ALG13: variants seen among roughly 807,000 people sequenced by gnomAD.
ALG13 encodes UDP-N-acetylglucosamine transferase subunit ALG13.
In ALG13, 11 loss-of-function variants were observed where a neutral mutation model predicts 87.8. The observed-to-expected ratio is 0.13, with a 90% CI of 0.08 to 0.21. ALG13 has a LOEUF of 0.21. Among genes scored for constraint, ALG13 ranks in the 10% least tolerant of loss-of-function variants. ALG13 has a pLI of 1.00. For missense variants in ALG13, 756 were observed against 866.1 expected (o/e 0.87, Z 1.60); for synonymous variants, 320 against 306.3 (o/e 1.04, Z -0.47).
intron 23 of ALG13, among the ~76,000 whole-genome samples, chrX:111,739,539 G>A (rs1943568822): frequency 8.9e-6 from 1 of 112,590 alleles, no homozygotes; most frequent in Non-Finnish European, 1.9e-5. Context: ...AAGAGTCTAT[G>A]GCATATAAGA....
chrX:111,739,579 C>T (rs1020373361), intron 23 of ALG13, among the ~76,000 whole-genome samples: 2 of 112,450 alleles, frequency 1.8e-5, no homozygotes, highest in Non-Finnish European at 3.8e-5. Context: ...CAAACTTTGA[C>T]AGCATTGCTT....
chrX:111,687,760 A>T (rs1935328024), intron 3 of ALG13: 1 of 512,363 alleles, frequency 2.0e-6, no homozygotes, highest in Non-Finnish European at 3.1e-6. Flanking sequence ...AATATATAAA[A>T]ATTCACATGT....
At chrX:111,756,319 A>G (rs1945250941) in intron 25 of ALG13, among the ~76,000 whole-genome samples, 1 of 111,780 alleles carries the variant, frequency 8.9e-6, no homozygotes, top group African/African-American at 3.3e-5. Flanking sequence ...TAGGTGACAG[A>G]TTGATGGGTG....
At chrX:111,732,670 T>C (rs1459021741) in intron 21 of ALG13, among the ~76,000 whole-genome samples, 3 of 112,472 alleles carry the variant, frequency 2.7e-5, no homozygotes, top group Non-Finnish European at 3.8e-5. Context: ...AACTACCTTA[T>C]ATTCTCTAAT....
chrX:111,751,724 T>A lies in ALG13; in HGVS notation c.2933-1066T>A, dbSNP rs570455932. On this transcript the variant is annotated intron_variant, in intron 24 of 26. Coordinates refer to ENST00000394780, the MANE Select transcript of ALG13 (RefSeq NM_001099922.3). ...TAATAGTCAAAATACAAGCTGATTT[T>A]AAAAAAAAATGGCAATAAATGTATT... is the stretch of plus-strand genomic sequence containing the variant. Among the ~76,000 whole-genome samples, 125 of 109,951 alleles carry A rather than the reference T, an allele frequency of 1.1e-3. 1 individual carries two copies. The South Asian group carries it at 0.022, about 19-fold the overall frequency.
intron 23 of ALG13, among the ~76,000 whole-genome samples, chrX:111,740,498 T>G (rs1943648465): frequency 9.0e-6 from 1 of 111,203 alleles, no homozygotes; most frequent in Non-Finnish European, 1.9e-5. Flanking sequence ...TAAGTATCCC[T>G]AGCACCGAGT....
At chrX:111,731,969 A>G (rs1386572873) in intron 21 of ALG13, among the ~76,000 whole-genome samples, 1 of 111,558 alleles carries the variant, frequency 9.0e-6, no homozygotes, top group Admixed American at 9.5e-5. Context: ...TCGGGTTTTA[A>G]CCAAAGAGTT....
intron 21 of ALG13, among the ~76,000 whole-genome samples, chrX:111,732,509 G>A (rs1258246569): frequency 8.9e-6 from 1 of 111,918 alleles, no homozygotes; most frequent in African/African-American, 3.2e-5. Flanking sequence ...GATCATCACA[G>A]CAGGGCAAAA....
chrX:111,683,920 T>A (rs1285125174), intron 2 of ALG13, among the ~76,000 whole-genome samples: 1 of 111,515 alleles, frequency 9.0e-6, no homozygotes, highest in Non-Finnish European at 1.9e-5. Flanking sequence ...TGGGGTTGAA[T>A]AGAAATGAAG....
chrX:111,759,611 T>G, intron 26 of ALG13, 123 bp from the exon 27 acceptor site: 1 of 530,529 alleles, frequency 1.9e-6, no homozygotes, highest in Non-Finnish European at 2.9e-6. Context: ...CTGCTGCAAT[T>G]GCTGTGATCT....
chrX:111,724,938 G>A lies in ALG13; in HGVS notation c.1606G>A (p.Val536Ile). ...VFIEELAEKH[V>I]VPLANLKPVT... ...GTGATACCTTTAACTTTTAAGGCAT[G>A]TTGTTCCACTGGCTAACTTAAAACC... Residue 536 changes from valine (V) to isoleucine (I), a missense_variant, in exon 15 of 27, where the codon GTT becomes ATT. Around this residue, in one of 9 missense-constraint regions of ALG13, gnomAD observed 362 missense variants for 383.5 expected, o/e 0.94. Transcript: ENST00000394780. The A allele has an allele frequency of 1.7e-6, 2 of 1,210,557 alleles. No homozygotes were observed. The highest frequency in any genetic ancestry group is 3.0e-5 in the East Asian group (1 of 33,807).
chrX:111,699,128 A>C (rs1937387430), intron 3 of ALG13, among the ~76,000 whole-genome samples: 1 of 111,278 alleles, frequency 9.0e-6, no homozygotes. Flanking sequence ...GCATTTTTTC[A>C]TGTACTTGTT....
At chrX:111,759,657 A>G (rs1191532195) in intron 26 of ALG13, 77 bp from the exon 27 acceptor site, 9 of 847,586 alleles carry the variant, frequency 1.1e-5, no homozygotes, top group Admixed American at 3.3e-5. Flanking sequence ...ACATAAGAAC[A>G]TCCATTTATG....
At chrX:111,745,521 G>C (rs1829861996) in intron 24 of ALG13, among the ~76,000 whole-genome samples, 1 of 109,772 alleles carries the variant, frequency 9.1e-6, no homozygotes, top group African/African-American at 3.3e-5. Flanking sequence ...TTTTCTAGCT[G>C]CTTCTCTATT....
At chrX:111,693,307 T>C (rs1258995334) in intron 3 of ALG13, among the ~76,000 whole-genome samples, 2 of 106,607 alleles carry the variant, frequency 1.9e-5, no homozygotes, top group African/African-American at 3.4e-5. Context: ...CAGGCTGGAG[T>C]GCAGTGGCAT....
chrX:111,759,368 G>T (rs1234148213), intron 26 of ALG13, among the ~76,000 whole-genome samples: 2 of 110,481 alleles, frequency 1.8e-5, no homozygotes, highest in Non-Finnish European at 3.8e-5. Context: ...ATGGTTATTC[G>T]GATGATGTAT....
At chrX:111,758,015 G>A (rs746762671) in intron 26 of ALG13, among the ~76,000 whole-genome samples, 1 of 111,154 alleles carries the variant, frequency 9.0e-6, no homozygotes, top group Non-Finnish European at 1.9e-5. Flanking sequence ...GAAACCAGTG[G>A]TGGGTAAAAC....
chrX:111,697,691 G>T (rs1054618110), intron 3 of ALG13, among the ~76,000 whole-genome samples: 2 of 112,089 alleles, frequency 1.8e-5, no homozygotes, highest in African/African-American at 3.2e-5. Flanking sequence ...ATATCCTATT[G>T]TACTAATCTG....
intron 5 of ALG13, among the ~76,000 whole-genome samples, chrX:111,709,814 A>G (rs776292316): frequency 2.7e-5 from 3 of 110,827 alleles, no homozygotes; most frequent in African/African-American, 9.8e-5. Flanking sequence ...TTTTAAAACT[A>G]TGTGAAGACT....
Sources: allele counts gnomAD v4.1 joint callset (sites outside exome capture counted in the v4.1 genomes callset), GRCh38; gene constraint gnomAD v4.1.1; regional missense constraint gnomAD v4.1.1; transcripts MANE v1.5; gene names NCBI Gene and HGNC (gene_info 2026-07-23, HGNC 2026-07-21).